PARD3B: variants seen among roughly 807,000 people sequenced by gnomAD.
PARD3B encodes the protein partitioning defective 3 homolog B.
Under a neutral mutation model 130.2 loss-of-function variants are expected in PARD3B, and 103 were observed. The observed-to-expected ratio is 0.79, with a 90% CI of 0.67 to 0.93. The LOEUF (loss-of-function observed/expected upper bound fraction) is 0.93, where lower values mean the gene tolerates loss of function less well. Among genes scored for constraint, PARD3B ranks in the 40% least tolerant of loss-of-function variants. The pLI, the probability that PARD3B is intolerant of heterozygous loss-of-function variation, is 0.00. For synonymous variants in PARD3B, 583 were observed against 553.2 expected (o/e 1.05, Z -0.76); for missense variants, 1,609 against 1,499.2 (o/e 1.07, Z -1.21).
chr2:205,145,926 G>A (rs966601977), intron 10 of PARD3B, among the ~76,000 whole-genome samples: 4 of 152,012 alleles, frequency 2.6e-5, no homozygotes, highest in African/African-American at 9.7e-5. Context: ...TTAGACATTG[G>A]ATTGATCCAA....
intron 18 of PARD3B, among the ~76,000 whole-genome samples, chr2:205,333,325 T>A (rs2043201314): frequency 6.6e-6 from 1 of 152,150 alleles, no homozygotes; most frequent in South Asian, 2.1e-4. Flanking sequence ...AAAAAAAGAA[T>A]GTAAAATATC....
At chr2:205,304,130 A>G (rs1252543828) in intron 18 of PARD3B, among the ~76,000 whole-genome samples, 1 of 152,198 alleles carries the variant, frequency 6.6e-6, no homozygotes, top group Non-Finnish European at 1.5e-5. Flanking sequence ...TATAAGTGAC[A>G]TTTAGGGAAT....
At chr2:205,586,162 TATG>T (rs1307558473) in intron 22 of PARD3B, among the ~76,000 whole-genome samples, 3 of 152,136 alleles carry the variant, frequency 2.0e-5, no homozygotes, top group Non-Finnish European at 4.4e-5. Flanking sequence ...GCTCTTTATT[TATG>T]ATGATAGCCG....
intron 15 of PARD3B, among the ~76,000 whole-genome samples, chr2:205,226,294 G>C (rs533059773): frequency 6.6e-6 from 1 of 152,028 alleles, no homozygotes; most frequent in African/African-American, 2.4e-5. Flanking sequence ...GCCCGCCTTG[G>C]CCTCCCAAGT....
intron 2 of PARD3B, among the ~76,000 whole-genome samples, chr2:204,934,232 T>C (rs1346020294): frequency 6.6e-6 from 1 of 152,206 alleles, no homozygotes; most frequent in African/African-American, 2.4e-5. Context: ...ATCATTTTAC[T>C]GCAAGATTTG....
At chr2:204,746,033 A>C (rs1323549690) in intron 2 of PARD3B, among the ~76,000 whole-genome samples, 1 of 150,070 alleles carries the variant, frequency 6.7e-6, no homozygotes, top group East Asian at 2.0e-4. Context: ...TACAACGTGC[A>C]GGTTTGTTAC....
chr2:204,885,731 G>A (rs2046248875), intron 2 of PARD3B, among the ~76,000 whole-genome samples: 1 of 152,260 alleles, frequency 6.6e-6, no homozygotes, highest in South Asian at 2.1e-4. Flanking sequence ...ATATTTTAAT[G>A]TGTTTAGGTA....
At chr2:205,031,842 G>A (rs1476006351) in intron 3 of PARD3B, among the ~76,000 whole-genome samples, 1 of 152,046 alleles carries the variant, frequency 6.6e-6, no homozygotes, top group Non-Finnish European at 1.5e-5. Context: ...AATAAAATAA[G>A]CTTTCTCGTT....
At chr2:205,482,447 T>C (rs942230170) in intron 20 of PARD3B, 1 of 152,164 alleles carries the variant, frequency 6.6e-6, no homozygotes, top group African/African-American at 2.4e-5. Context: ...CAGAGGATTG[T>C]TTTTTAAAGT....
chr2:204,894,494 G>A (rs2046572351), intron 2 of PARD3B, among the ~76,000 whole-genome samples: 1 of 151,318 alleles, frequency 6.6e-6, no homozygotes, highest in African/African-American at 2.4e-5. Context: ...CCATGCCCCA[G>A]CTTCCTCATT....
chr2:204,604,581 G>A (rs533345431), intron 1 of PARD3B, among the ~76,000 whole-genome samples: 1 of 152,194 alleles, frequency 6.6e-6, no homozygotes, highest in Admixed American at 6.5e-5. Context: ...AAATGACTGA[G>A]TATTTAAACT....
intron 18 of PARD3B, among the ~76,000 whole-genome samples, chr2:205,322,691 A>G (rs2105969756): frequency 6.6e-6 from 1 of 152,140 alleles, no homozygotes; most frequent in South Asian, 2.1e-4. Context: ...GTTCTACAGA[A>G]TCCTTTTCTT....
At chr2:205,493,283 G>T (rs780237942) in intron 20 of PARD3B, among the ~76,000 whole-genome samples, 2 of 152,064 alleles carry the variant, frequency 1.3e-5, no homozygotes, top group Non-Finnish European at 2.9e-5. Flanking sequence ...ATAAAGCTGG[G>T]ATGATTTTTA....
At chr2:205,210,154 C>G (rs910458283) in intron 15 of PARD3B, among the ~76,000 whole-genome samples, 1 of 151,866 alleles carries the variant, frequency 6.6e-6, no homozygotes, top group Non-Finnish European at 1.5e-5. Context: ...TCGTTTCACC[C>G]TGGGAGTTTG....
rs116729332 is a variant in PARD3B at position 205,259,323 on chromosome 2, A to G, written c.2185+13501A>G. On this transcript the variant is annotated intron_variant, in intron 16 of 22. Transcript: ENST00000406610. ...ATGACACTGTTTTGTTTATTAGAAC[A>G]TGTATTTTCCTTGGCAACTAGTTTT... Among the ~76,000 whole-genome samples, 1,020 of 152,262 alleles carry G rather than the reference A, an allele frequency of 6.7e-3. 11 individuals carry two copies. Among genetic ancestry groups the G allele is most frequent in the African/African-American group, 0.023 (970 of 41,556 alleles).
At chr2:205,124,743 C>T (rs2031182714) in intron 9 of PARD3B, among the ~76,000 whole-genome samples, 4 of 152,234 alleles carry the variant, frequency 2.6e-5, no homozygotes, top group African/African-American at 9.6e-5. Flanking sequence ...CTCTTAGAGT[C>T]CCTGTGAAAT....
chr2:204,781,787 T>C (rs2125453629), intron 2 of PARD3B, among the ~76,000 whole-genome samples: 1 of 152,264 alleles, frequency 6.6e-6, no homozygotes, highest in African/African-American at 2.4e-5. Flanking sequence ...CAGAACATCA[T>C]ACATGCTCTT....
At chr2:205,104,097 C>T (rs773227475) in intron 4 of PARD3B, among the ~76,000 whole-genome samples, 1 of 152,104 alleles carries the variant, frequency 6.6e-6, no homozygotes, top group African/African-American at 2.4e-5. Flanking sequence ...TCACCAGAGT[C>T]CCCCCTTTGG....
intron 3 of PARD3B, among the ~76,000 whole-genome samples, chr2:204,994,879 T>C (rs193280600): frequency 0.033 from 5,081 of 151,978 alleles, 124 homozygotes; most frequent in Middle Eastern, 0.061. Context: ...TAAAGTCTGT[T>C]TAATCCGAGA....
Sources: allele counts gnomAD v4.1 joint callset (sites outside exome capture counted in the v4.1 genomes callset), GRCh38; gene constraint gnomAD v4.1.1; transcripts MANE v1.5; gene names NCBI Gene and HGNC (gene_info 2026-07-23, HGNC 2026-07-21).